Variants in ARHGAP19 observed in about 807,000 individuals in gnomAD.
ARHGAP19 encodes Rho GTPase activating protein 19.
ARHGAP19 carries 48 observed loss-of-function variants against 60.9 expected under a neutral mutation model. The observed-to-expected ratio is 0.79, with a 90% CI of 0.62 to 1.00. The LOEUF (loss-of-function observed/expected upper bound fraction) is 1.00, where lower values mean the gene tolerates loss of function less well. Among genes scored for constraint, ARHGAP19 ranks in the 50% least tolerant of loss-of-function variants. The pLI is 0.00. For missense variants in ARHGAP19, 562 were observed against 597.2 expected, an observed-to-expected ratio of 0.94 and a Z score of 0.61; for synonymous variants, 209 against 215.5, an observed-to-expected ratio of 0.97 and a Z score of 0.27.
chr10:97,250,699 A>G (rs903297855), intron 6 of ARHGAP19, among the ~76,000 whole-genome samples: 1 of 151,892 alleles, frequency 6.6e-6, no homozygotes, highest in African/African-American at 2.4e-5. Flanking sequence ...TAAATTGAAA[A>G]ACTATAAAAC....
chr10:97,265,934 A>G lies in ARHGAP19; in HGVS notation c.248T>C (p.Val83Ala). 1 of 1,614,160 alleles carries G rather than the reference A, an allele frequency of 6.2e-7. No individual in the cohort carries two copies. The highest frequency in any genetic ancestry group is 8.5e-7 in the Non-Finnish European group (1 of 1,180,028). The change falls in exon 2 of 12, where the codon GTG becomes GCG. Residue 83 changes from valine to alanine, a missense_variant. Physicochemically the swap from Val to Ala is moderately conservative, Grantham distance 64. Transcript: ENST00000358531. The stretch of plus-strand genomic sequence containing the variant: ...AGCCCCGCCAGGCAACTTAAGGTCC[A>G]CTTCCCCCATCAGCTGAGCCAACTC... ...GTELAQLMGE[V>A]DLKLPGGAGP...
chr10:97,253,025 C>T (rs1393510176), intron 6 of ARHGAP19, among the ~76,000 whole-genome samples: 1 of 152,206 alleles, frequency 6.6e-6, no homozygotes, highest in Non-Finnish European at 1.5e-5. Flanking sequence ...GAACCGGAGG[C>T]TATTAAGTGA....
intron 5 of ARHGAP19, among the ~76,000 whole-genome samples, chr10:97,258,201 A>G (rs1050509131): frequency 6.6e-6 from 1 of 152,152 alleles, no homozygotes; most frequent in Non-Finnish European, 1.5e-5. Flanking sequence ...TAAACAAACA[A>G]AAAATGGCTT....
chr10:97,263,183 T>G (rs1430057335), intron 4 of ARHGAP19, among the ~76,000 whole-genome samples: 1 of 152,102 alleles, frequency 6.6e-6, no homozygotes, highest in Non-Finnish European at 1.5e-5. Flanking sequence ...TCAGACGACA[T>G]CTTACTACCA....
At position 97,225,518 on chromosome 10, in the gene ARHGAP19, T is replaced by C. The variant is rs936562132; in HGVS notation, c.*604A>G. On this transcript the variant is annotated 3_prime_UTR_variant, in exon 12 of 12. Coordinates refer to ENST00000358531, the MANE Select transcript of ARHGAP19 (RefSeq NM_032900.6). ...TAATAAAAAATGTCCAGAAAAGCTA[T>C]AAATTCTTTGGACACAAATTAGGTA... 2 of 152,214 alleles carry C rather than the reference T, an allele frequency of 1.3e-5. No individual in the cohort carries two copies. Among genetic ancestry groups the C allele is most frequent in the Admixed American group, 6.5e-5 (1 of 15,288 alleles). 9.4% of individuals were successfully genotyped at this position (152,214 alleles called of 1,614,324 possible).
chr10:97,279,557 A>G (rs1227456347), intron 1 of ARHGAP19, among the ~76,000 whole-genome samples: 2 of 152,016 alleles, frequency 1.3e-5, no homozygotes, highest in African/African-American at 2.4e-5. Context: ...CAATGGCGCA[A>G]TCATGACTCA....
intron 6 of ARHGAP19, among the ~76,000 whole-genome samples, chr10:97,247,979 T>TG (rs1206085670): frequency 6.6e-6 from 1 of 150,842 alleles, no homozygotes; most frequent in Non-Finnish European, 1.5e-5. Context: ...TTTTTTTTTT[T>TG]TTTTGAGACG....
chr10:97,228,341 C>A (rs1193455634), intron 11 of ARHGAP19, among the ~76,000 whole-genome samples: 1 of 152,134 alleles, frequency 6.6e-6, no homozygotes, highest in Non-Finnish European at 1.5e-5. Flanking sequence ...GGTTTCAGCC[C>A]GTTTTCTACA....
In ARHGAP19 at chr10:97,235,119, T is replaced by C. The variant is rs1036738912; in HGVS notation, c.1284+98A>G. On this transcript the variant is annotated intron_variant, in intron 9 of 11. Transcript: ENST00000358531. The stretch of plus-strand genomic sequence containing the variant: ...CCTTATAAACTAGCCCTTTATAGGG[T>C]CCCCAAAAAACAGAAGAAAACTTTT... 53 of 1,149,488 alleles carry C rather than the reference T, an allele frequency of 4.6e-5. No individual in the cohort carries two copies. The African/African-American group carries it at 5.3e-4, about 12-fold the overall frequency. 71.2% of individuals were successfully genotyped at this position (1,149,488 alleles called of 1,614,324 possible). A position where few individuals can be genotyped will look rare whatever the true frequency, so the allele number is the denominator to read the frequency against.
intron 6 of ARHGAP19, among the ~76,000 whole-genome samples, chr10:97,252,887 G>A (rs191753918): frequency 2.0e-5 from 3 of 152,208 alleles, no homozygotes; most frequent in African/African-American, 7.2e-5. Context: ...CAATAGCAAA[G>A]ATATGTAATC....
At chr10:97,286,167 T>C (rs1227685479) in intron 1 of ARHGAP19, among the ~76,000 whole-genome samples, 1 of 144,356 alleles carries the variant, frequency 6.9e-6, no homozygotes, top group Admixed American at 6.9e-5. Context: ...CAAAACTAGA[T>C]TCAGGTTTTC....
intron 8 of ARHGAP19, among the ~76,000 whole-genome samples, chr10:97,240,190 T>C (rs1027762238): frequency 2.0e-5 from 3 of 151,312 alleles, no homozygotes; most frequent in African/African-American, 7.3e-5. Context: ...CTAGTACACG[T>C]AGCAGCCAAA....
chr10:97,278,254 T>C (rs1310509717), intron 1 of ARHGAP19, among the ~76,000 whole-genome samples: 2 of 152,236 alleles, frequency 1.3e-5, no homozygotes, highest in African/African-American at 4.8e-5. Flanking sequence ...GCATCATCCC[T>C]GAAGGAAAAA....
chr10:97,231,690 T>TCATCA (rs752653208), intron 9 of ARHGAP19, among the ~76,000 whole-genome samples: 136 of 152,372 alleles, frequency 8.9e-4, no homozygotes, highest in Admixed American at 1.5e-3. Flanking sequence ...ATCCAAGGTT[T>TCATCA]GTCATCCATT....
chr10:97,251,458 G>A (rs1589456343), intron 6 of ARHGAP19, among the ~76,000 whole-genome samples: 1 of 92,476 alleles, frequency 1.1e-5, no homozygotes, highest in Non-Finnish European at 2.2e-5. Flanking sequence ...GGAAGGGGAA[G>A]GGAAAAGGAA....
intron 6 of ARHGAP19, among the ~76,000 whole-genome samples, chr10:97,248,035 G>A (rs942714793): frequency 6.8e-6 from 1 of 146,162 alleles, no homozygotes; most frequent in Non-Finnish European, 1.5e-5. Flanking sequence ...GCATGATCTC[G>A]GCTCACTGCA....
chr10:97,289,560 G>A (rs1843202138), intron 1 of ARHGAP19, among the ~76,000 whole-genome samples: 1 of 152,080 alleles, frequency 6.6e-6, no homozygotes, highest in African/African-American at 2.4e-5. Context: ...TTCAGGCCAG[G>A]CGCAGTGGCT....
intron 6 of ARHGAP19, among the ~76,000 whole-genome samples, chr10:97,249,852 G>A (rs1425064682): frequency 1.4e-5 from 2 of 147,058 alleles, no homozygotes; most frequent in African/African-American, 5.0e-5. Context: ...AGGCTGGAGT[G>A]CAGTGGCATA....
intron 1 of ARHGAP19, among the ~76,000 whole-genome samples, chr10:97,278,828 G>T (rs907737923): frequency 1.6e-4 from 24 of 151,170 alleles, no homozygotes; most frequent in African/African-American, 5.6e-4. Context: ...AAAAAAAACT[G>T]CATCCTGCAG....
Sources: gnomAD v4.1 joint callset for allele counts (sites outside exome capture counted in the v4.1 genomes callset) on GRCh38, gnomAD v4.1.1 for gene constraint, MANE v1.5 for transcripts, NCBI Gene and HGNC (gene_info 2026-07-23, HGNC 2026-07-21) for gene names.